Variants in CCDC188 observed in about 807,000 individuals in gnomAD.
CCDC188 encodes the protein coiled-coil domain-containing protein 188.
Under a neutral mutation model 50.7 loss-of-function variants are expected in CCDC188, and 37 were observed. That is an observed-to-expected ratio of 0.73 (90% CI 0.56 to 0.96). CCDC188 has a LOEUF of 0.96. Ranked by LOEUF, CCDC188 falls within the 40% of genes least tolerant of loss-of-function variation. CCDC188 has a pLI of 0.00. For missense variants in CCDC188, 453 were observed against 512.9 expected, an observed-to-expected ratio of 0.88 and a Z score of 1.13; for synonymous variants, 208 against 228.0, an observed-to-expected ratio of 0.91 and a Z score of 0.79.
Position 20,150,467 on chromosome 22 carries a change from C to T in CCDC188, c.519+1G>A. ...GCTGGGGCGGTGGGTGGGGTGCTCACCAGGCTGTGGTTCTCCTGCTCCAGC... is the reference window on the plus strand; with the variant it reads ...GCTGGGGCGGTGGGTGGGGTGCTCATCAGGCTGTGGTTCTCCTGCTCCAGC... On this transcript the variant is annotated splice_donor_variant, in intron 1 of 8. Coordinates refer to ENST00000439765, the MANE Select transcript of CCDC188 (RefSeq NM_001365892.2). LOFTEE classifies it high-confidence loss of function. 2 of 1,531,608 alleles carry T rather than the reference C, an allele frequency of 1.3e-6. No homozygotes were observed. The highest frequency in any genetic ancestry group is 1.2e-5 in the South Asian group (1 of 83,478). 94.9% of individuals were successfully genotyped at this position (1,531,608 alleles called of 1,614,324 possible). A position where few individuals can be genotyped will look rare whatever the true frequency, so the allele number is the denominator to read the frequency against.
At chr22:20,150,283 G>A (rs2050600701) in intron 1 of CCDC188, 33 bp from the exon 2 acceptor site, 1 of 1,469,498 alleles carries the variant, frequency 6.8e-7, no homozygotes, top group East Asian at 2.5e-5. Flanking sequence ...GGGGCTGCCT[G>A]TCATGGCCGC....
chr22:20,150,348 G>T (rs2050602282), intron 1 of CCDC188, 98 bp from the exon 2 acceptor site: 1 of 1,017,300 alleles, frequency 9.8e-7, no homozygotes, highest in African/African-American at 1.6e-5. Flanking sequence ...GGTGGGGCTG[G>T]GGCTGGGGCA....
Position 20,148,464 on chromosome 22 carries a change from C to T in CCDC188, c.*150G>A, listed in dbSNP as rs1405016273. ...TCTATGTCCAGCCACAGGCCCAGCC[C>T]TCAGGACAGACCCCACCTCCACCCT... On this transcript the variant is annotated 3_prime_UTR_variant, in exon 9 of 9. Coordinates refer to ENST00000439765, the MANE Select transcript of CCDC188 (RefSeq NM_001365892.2). 3.7e-6 allele frequency: 5 copies of T among 1,364,618 alleles called. No homozygotes were observed. Among genetic ancestry groups the T allele is most frequent in the Non-Finnish European group, 4.7e-6 (5 of 1,062,514 alleles). The allele number at this position is 1,364,618 out of a possible 1,614,324, so 84.5% of individuals were successfully genotyped here. A position where few individuals can be genotyped will look rare whatever the true frequency, so the allele number is the denominator to read the frequency against.
chr22:20,150,081 A>G, intron 2 of CCDC188, 22 bp from the exon 3 acceptor site: 1 of 1,546,160 alleles, frequency 6.5e-7, no homozygotes, highest in South Asian at 1.2e-5. Context: ...CCCCCAGATC[A>G]GCCCTAAGAC....
At position 20,150,930 on chromosome 22, in the gene CCDC188, T is replaced by A; in HGVS notation, c.57A>T (p.Pro19=). ...CTCCATGGCTGCTGGAGGCTGGGGT[T>A]GGGGGACACTGGGGGTGGGGGTGGC... ...PCGHPHPQCP[P]TPASSSHGGG... is the part of the protein sequence containing the mutation. Residue 19 remains proline, a synonymous_variant, in exon 1 of 9, where the codon CCA becomes CCT. Transcript: ENST00000439765. 2 of 640,194 alleles carry A rather than the reference T, an allele frequency of 3.1e-6. No homozygotes were observed. The highest frequency in any genetic ancestry group is 5.3e-5 in the South Asian group (2 of 37,570). The allele number at this position is 640,194 out of a possible 1,614,324, so 39.7% of individuals were successfully genotyped here. A position where few individuals can be genotyped will look rare whatever the true frequency, so the allele number is the denominator to read the frequency against.
intron 6 of CCDC188, 67 bp from the exon 7 acceptor site, chr22:20,149,311 G>C: frequency 6.5e-7 from 1 of 1,542,588 alleles, no homozygotes; most frequent in East Asian, 2.5e-5. Context: ...CCCCTGGCTC[G>C]GTGCTGTGGA....
At position 20,150,425 on chromosome 22, in the gene CCDC188, G is replaced by GTGGAGC. The variant is rs2050604467; in HGVS notation, c.519+42_519+43insGCTCCA. 33 of 1,321,938 alleles carry GTGGAGC rather than the reference G, an allele frequency of 2.5e-5. 1 individual carries two copies. In the East Asian group the frequency reaches 8.5e-4, roughly 34 times the overall value. The allele number at this position is 1,321,938 out of a possible 1,614,324, so 81.9% of individuals were successfully genotyped here. On this transcript the variant is annotated intron_variant, in intron 1 of 8. Coordinates refer to ENST00000439765, the MANE Select transcript of CCDC188 (RefSeq NM_001365892.2). ...CTGGGGCAGGGGTACCAGGCGGTGG[G>GTGGAGC]TGGGGCTGGGGCTGGGGCTGGGGCG...
Position 20,150,939 on chromosome 22 carries a change from C to CTGGGGG in CCDC188, c.42_47dup (p.His14_Pro15dup). The CTGGGGG allele has an allele frequency of 3.1e-6, 2 of 648,024 alleles. No homozygotes were observed. Among genetic ancestry groups the CTGGGGG allele is most frequent in the Non-Finnish European group, 4.6e-6 (2 of 436,466 alleles). 40.1% of individuals were successfully genotyped at this position (648,024 alleles called of 1,614,324 possible). On this transcript the variant is annotated inframe_insertion, in exon 1 of 9. Transcript: ENST00000439765. The stretch of plus-strand genomic sequence containing the variant: ...TGCTGGAGGCTGGGGTTGGGGGACA[C>CTGGGGG]TGGGGGTGGGGGTGGCCGCAGGGGC...
intron 6 of CCDC188, 38 bp downstream of exon 6, chr22:20,149,374 A>T (rs1476344367): frequency 6.5e-7 from 1 of 1,549,240 alleles, no homozygotes; most frequent in Non-Finnish European, 8.7e-7. Context: ...ACCTTCTGAG[A>T]CCCTGCTCAG....
rs1390138913 is a variant in CCDC188, at chr22:20,150,962, G to A, written c.25C>T (p.Pro9Ser). 7.1e-7 allele frequency: 1 copy of A among 1,410,482 alleles called. No homozygotes were observed. Among genetic ancestry groups the A allele is most frequent in the Non-Finnish European group, 9.3e-7 (1 of 1,076,000 alleles). 87.4% of individuals were successfully genotyped at this position (1,410,482 alleles called of 1,614,324 possible). Residue 9 changes from proline to serine, a missense_variant, in exon 1 of 9, where the codon CCC (proline) becomes TCC (serine). By Grantham distance (74) the Pro-to-Ser change is moderately conservative. Transcript: ENST00000439765. ...CACTGGGGGTGGGGGTGGCCGCAGG[G>A]GCCCAGGGTTTTCAGCCCCTCCATC... MEGLKTLGPCGHPHPQCPP... is the reference protein window; with the variant it reads MEGLKTLGSCGHPHPQCPP...
intron 7 of CCDC188, 109 bp downstream of exon 7, chr22:20,149,078 C>G (rs2050568656): frequency 1.5e-5 from 19 of 1,258,676 alleles, no homozygotes; most frequent in Admixed American, 3.0e-5. Context: ...TTTTCCGATG[C>G]CCCCTGCCCT....
At chr22:20,149,931 C>G (rs751005202) in intron 3 of CCDC188, 24 bp downstream of exon 3, 5 of 1,524,226 alleles carry the variant, frequency 3.3e-6, no homozygotes, top group South Asian at 2.5e-5. Context: ...TCCTCCCCCC[C>G]CACAGCCCCT....
In CCDC188 at chr22:20,149,653, G is replaced by A. The variant is rs1222387857; in HGVS notation, c.790-13C>T. The A allele has an allele frequency of 6.5e-7, 1 of 1,549,764 alleles. No homozygotes were observed. Among genetic ancestry groups the A allele is most frequent in the Non-Finnish European group, 8.7e-7 (1 of 1,146,694 alleles). ...CGTTGTCCCACACCTAGGGGGAGGT[G>A]GGGTCACGCCTGAGGAGCAGGACCC... is the stretch of plus-strand genomic sequence containing the variant. On this transcript the variant is annotated splice_polypyrimidine_tract_variant and intron_variant, in intron 4 of 8. Coordinates refer to ENST00000439765, the MANE Select transcript of CCDC188 (RefSeq NM_001365892.2).
At position 20,148,558 on chromosome 22, in the gene CCDC188, C is replaced by T. The variant is rs2050556785; in HGVS notation, c.*56G>A. On this transcript the variant is annotated 3_prime_UTR_variant, in exon 9 of 9. Transcript: ENST00000439765. ...GCAGGGGGCTGGCACGGCCACTGGG[C>T]ATCCGGGGCAGTGCTGGTCGCCTGG... 3 of 1,468,764 alleles carry T rather than the reference C, an allele frequency of 2.0e-6. No individual in the cohort carries two copies. The highest frequency in any genetic ancestry group is 2.5e-4 in the Middle Eastern group (1 of 4,014). The allele number at this position is 1,468,764 out of a possible 1,614,324, so 91.0% of individuals were successfully genotyped here.
Position 20,149,930 on chromosome 22 carries a change from C to T in CCDC188, c.732+25G>A, listed in dbSNP as rs184344443. ...GTGCTGTTACGAAGCTTCCTCCCCC[C>T]CCACAGCCCCTCCCCCAGGCCCACC... is the stretch of plus-strand genomic sequence containing the variant. On this transcript the variant is annotated intron_variant, in intron 3 of 8. Transcript: ENST00000439765. The T allele has an allele frequency of 7.4e-4, 1,126 of 1,522,878 alleles. 17 individuals are homozygous for T. The East Asian group carries it at 0.021, about 28-fold the overall frequency. 94.3% of individuals were successfully genotyped at this position (1,522,878 alleles called of 1,614,324 possible). A position where few individuals can be genotyped will look rare whatever the true frequency, so the allele number is the denominator to read the frequency against.
chr22:20,149,015 C>T (rs1163938685), intron 7 of CCDC188, 91 bp from the exon 8 acceptor site: 2 of 1,359,360 alleles, frequency 1.5e-6, no homozygotes, highest in Non-Finnish European at 2.0e-6. Flanking sequence ...TCAGACAGGG[C>T]TCCCCGCACC....
chr22:20,148,622 G>A lies in CCDC188; in HGVS notation c.1201C>T (p.Pro401Ser). ...FLRLKVDGFL[P>S]F ...GCCGCTGGGCCTCTGGCCTAGAAGG[G>A]CAGGAAGCCGTCCACTTTGAGGCGC... The change falls in exon 9 of 9, where the codon CCC (proline) becomes TCC (serine). Residue 401 changes from proline (P) to serine (S), a missense_variant. Transcript: ENST00000439765. 1 of 1,544,302 alleles carries A rather than the reference G, an allele frequency of 6.5e-7. No homozygotes were observed. The highest frequency in any genetic ancestry group is 8.7e-7 in the Non-Finnish European group (1 of 1,144,790).
rs1003273565 is a variant in CCDC188 at position 20,148,522 on chromosome 22, T to G, written c.*92A>C. 2.1e-6 allele frequency: 3 copies of G among 1,439,288 alleles called. No homozygotes were observed. The highest frequency in any genetic ancestry group is 2.7e-6 in the Non-Finnish European group (3 of 1,098,334). The allele number at this position is 1,439,288 out of a possible 1,614,324, so 89.2% of individuals were successfully genotyped here. ...AGCTTCTGGCAAGGATGGTGCACAG[T>G]GGTGCCATGTGCAGGGGGCTGGCAC... On this transcript the variant is annotated 3_prime_UTR_variant, in exon 9 of 9. Transcript: ENST00000439765.
chr22:20,149,066 A>G (rs1043476197), intron 7 of CCDC188, 121 bp downstream of exon 7: 1 of 1,264,700 alleles, frequency 7.9e-7, no homozygotes, highest in Non-Finnish European at 1.1e-6. Flanking sequence ...TCCTGCAGCC[A>G]CTTTTCCGAT....
Sources: gnomAD v4.1 joint callset for allele counts on GRCh38, gnomAD v4.1.1 for gene constraint, MANE v1.5 for transcripts, NCBI Gene and HGNC (gene_info 2026-07-23, HGNC 2026-07-21) for gene names.